Variants in PTPRD observed in about 807,000 individuals in gnomAD.
PTPRD encodes receptor-type tyrosine-protein phosphatase delta.
PTPRD carries 34 observed loss-of-function variants against 214.5 expected under a neutral mutation model. That is an observed-to-expected ratio of 0.16 (90% CI 0.12 to 0.21). PTPRD has a LOEUF of 0.21. Ranked by LOEUF, PTPRD falls within the 10% of genes least tolerant of loss-of-function variation. The pLI is 1.00. For synonymous variants in PTPRD, 1,128 were observed against 845.7 expected (o/e 1.33, Z -5.79); for missense variants, 2,545 against 2,398.7 (o/e 1.06, Z -1.27).
At chr9:8,911,086 A>C (rs1379644986) in intron 11 of PTPRD, among the ~76,000 whole-genome samples, 1 of 152,252 alleles carries the variant, frequency 6.6e-6, no homozygotes, top group Non-Finnish European at 1.5e-5. Flanking sequence ...CAACACAGTC[A>C]AAATGCTGGC....
At chr9:10,194,214 C>T (rs541096725) in intron 3 of PTPRD, among the ~76,000 whole-genome samples, 17 of 151,756 alleles carry the variant, frequency 1.1e-4, no homozygotes, top group East Asian at 3.9e-4. Flanking sequence ...TGGACTGTCC[C>T]TTATCAGAAT....
At chr9:10,430,638 G>A (rs191242674) in intron 2 of PTPRD, among the ~76,000 whole-genome samples, 48 of 151,762 alleles carry the variant, frequency 3.2e-4, no homozygotes, top group African/African-American at 7.0e-4. Context: ...AAATACCTCC[G>A]TCAGAATAAT....
At chr9:9,415,863 C>A (rs926772971) in intron 8 of PTPRD, among the ~76,000 whole-genome samples, 1 of 152,074 alleles carries the variant, frequency 6.6e-6, no homozygotes, top group Admixed American at 6.5e-5. Flanking sequence ...CCCGGTTAGT[C>A]GGGTAGGACG....
intron 8 of PTPRD, among the ~76,000 whole-genome samples, chr9:9,402,053 A>C (rs1230029046): frequency 6.6e-6 from 1 of 152,094 alleles, no homozygotes; most frequent in African/African-American, 2.4e-5. Context: ...CGTGTTTATT[A>C]CAGGGCAAAC....
intron 11 of PTPRD, among the ~76,000 whole-genome samples, chr9:8,772,096 C>A (rs2095252040): frequency 1.3e-5 from 2 of 151,710 alleles, no homozygotes; most frequent in Admixed American, 1.3e-4. Flanking sequence ...TATGTGCCCA[C>A]AAAAATTAAA....
intron 8 of PTPRD, among the ~76,000 whole-genome samples, chr9:9,574,458 A>C (rs778979674): frequency 1.3e-5 from 2 of 152,060 alleles, no homozygotes; most frequent in African/African-American, 2.4e-5. Flanking sequence ...TCATGTTCAA[A>C]GAACAGTTTT....
intron 2 of PTPRD, among the ~76,000 whole-genome samples, chr9:10,445,162 C>CA (rs1178661600): frequency 1.3e-5 from 2 of 151,816 alleles, no homozygotes; most frequent in Admixed American, 1.3e-4. Flanking sequence ...TACAAGAAAC[C>CA]AAAAAATCTT....
rs2097712065 is a variant in PTPRD at position 10,059,223 on chromosome 9, T to C, written c.-544-25433A>G. On this transcript the variant is annotated intron_variant, in intron 3 of 45. Coordinates refer to ENST00000381196, the MANE Select transcript of PTPRD (RefSeq NM_002839.4). ...AGCCTGAACTGGAAAAGGGGATTAGTTTAGACATGTTCTTCACATACTCCT... is the reference window on the plus strand; with the variant it reads ...AGCCTGAACTGGAAAAGGGGATTAGCTTAGACATGTTCTTCACATACTCCT... Among the ~76,000 whole-genome samples the C allele has an allele frequency of 2.0e-5, 3 of 152,100 alleles. No individual in the cohort carries two copies. In the South Asian group the frequency reaches 6.2e-4, roughly 32 times the overall value.
intron 2 of PTPRD, among the ~76,000 whole-genome samples, chr9:10,453,400 A>G (rs1176597930): frequency 6.6e-6 from 1 of 151,696 alleles, no homozygotes; most frequent in African/African-American, 2.4e-5. Context: ...CACATTGGAT[A>G]GTATAGATAT....
At chr9:8,898,369 T>C (rs934956851) in intron 11 of PTPRD, among the ~76,000 whole-genome samples, 2 of 152,118 alleles carry the variant, frequency 1.3e-5, no homozygotes, top group Non-Finnish European at 1.5e-5. Flanking sequence ...AGTTTGGTGA[T>C]GGTGGCAGAG....
rs1821263163 is a variant in PTPRD, at chr9:8,315,655, TTTTTCTTTG to T, written c.*2210_*2218del. On this transcript the variant is annotated 3_prime_UTR_variant, in exon 46 of 46. Coordinates refer to ENST00000381196, the MANE Select transcript of PTPRD (RefSeq NM_002839.4). ...TATTATATATATTTTCTTTTTTTTC[TTTTTCTTTG>T]TTTTTTACAAAAGTGCTCAAATACA... The T allele has an allele frequency of 4.4e-6, 1 of 227,586 alleles. No individual in the cohort carries two copies. The highest frequency in any genetic ancestry group is 8.7e-6 in the Non-Finnish European group (1 of 114,310). The allele number at this position is 227,586 out of a possible 1,614,324, so 14.1% of individuals were successfully genotyped here. A position where few individuals can be genotyped will look rare whatever the true frequency, so the allele number is the denominator to read the frequency against.
At chr9:9,638,714 G>T (rs2095848165) in intron 7 of PTPRD, among the ~76,000 whole-genome samples, 1 of 152,070 alleles carries the variant, frequency 6.6e-6, no homozygotes. Flanking sequence ...CACTTCTCTG[G>T]TATCAACTTC....
intron 44 of PTPRD, among the ~76,000 whole-genome samples, chr9:8,321,754 A>T (rs1387956312): frequency 6.6e-6 from 1 of 151,762 alleles, no homozygotes; most frequent in Non-Finnish European, 1.5e-5. Context: ...AAGATAAAAG[A>T]AATATCCAGG....
At chr9:10,015,623 G>A (rs1464114020) in intron 4 of PTPRD, among the ~76,000 whole-genome samples, 1 of 152,118 alleles carries the variant, frequency 6.6e-6, no homozygotes, top group Non-Finnish European at 1.5e-5. Flanking sequence ...GATTTAAATT[G>A]TGTACTTACT....
chr9:9,189,337 G>A (rs935282969), intron 9 of PTPRD, among the ~76,000 whole-genome samples: 5 of 152,036 alleles, frequency 3.3e-5, no homozygotes, highest in African/African-American at 1.2e-4. Context: ...TGATTTGATG[G>A]GGCTAACGTA....
intron 9 of PTPRD, among the ~76,000 whole-genome samples, chr9:9,231,734 C>CT (rs892944175): frequency 4.6e-5 from 7 of 150,878 alleles, no homozygotes; most frequent in South Asian, 4.2e-4. Flanking sequence ...CTTCCTTTTT[C>CT]TTTTTTTTTA....
At chr9:8,497,179 A>C (rs1024526379) in intron 26 of PTPRD, 63 bp downstream of exon 26, 2 of 1,364,112 alleles carry the variant, frequency 1.5e-6, no homozygotes, top group Admixed American at 4.7e-5. Context: ...AATAAGTGAA[A>C]GGATGTCAGA....
intron 6 of PTPRD, among the ~76,000 whole-genome samples, chr9:9,754,637 G>A (rs2098551718): frequency 6.6e-6 from 1 of 151,942 alleles, no homozygotes; most frequent in African/African-American, 2.4e-5. Context: ...ATTTTTAAGG[G>A]CACTATATTG....
intron 5 of PTPRD, among the ~76,000 whole-genome samples, chr9:9,873,674 A>G (rs1460147248): frequency 6.6e-6 from 1 of 152,192 alleles, no homozygotes; most frequent in Non-Finnish European, 1.5e-5. Flanking sequence ...TTTGCTATTT[A>G]AATAACACGA....
Sources: gnomAD v4.1 joint callset for allele counts (sites outside exome capture counted in the v4.1 genomes callset) on GRCh38, gnomAD v4.1.1 for gene constraint, MANE v1.5 for transcripts, NCBI Gene and HGNC (gene_info 2026-07-23, HGNC 2026-07-21) for gene names.